TSEN2: variants seen among roughly 807,000 people sequenced by gnomAD.
TSEN2 encodes tRNA-splicing endonuclease subunit Sen2.
Under a neutral mutation model 59.2 loss-of-function variants are expected in TSEN2, and 54 were observed. That is an observed-to-expected ratio of 0.91 (90% confidence interval 0.73 to 1.14). The LOEUF (loss-of-function observed/expected upper bound fraction) is 1.14, where lower values mean the gene tolerates loss of function less well. Among genes scored for constraint, TSEN2 ranks in the 50% most tolerant of loss-of-function variants. The pLI, the probability that TSEN2 is intolerant of heterozygous loss-of-function variation, is 0.00. For missense variants in TSEN2, 636 were observed against 576.2 expected (o/e 1.10, Z -1.06); for synonymous variants, 195 against 198.2 (o/e 0.98, Z 0.14).
upstream of TSEN2, among the ~76,000 whole-genome samples, chr3:12,483,368 G>A (rs1415655266): frequency 6.6e-6 from 1 of 152,270 alleles, no homozygotes; most frequent in African/African-American, 2.4e-5. Flanking sequence ...CTGGGCGACA[G>A]AGCCAGGCTC....
chr3:12,482,662 T>A (rs1399633562), upstream of TSEN2, among the ~76,000 whole-genome samples: 1 of 152,150 alleles, frequency 6.6e-6, no homozygotes, highest in East Asian at 1.9e-4. Context: ...TTAAGAGACC[T>A]GGCTCTAGTC....
chr3:12,483,689 A>G (rs1281595370), upstream of TSEN2, among the ~76,000 whole-genome samples: 1 of 152,190 alleles, frequency 6.6e-6, no homozygotes, highest in Non-Finnish European at 1.5e-5. Flanking sequence ...CTTCCTTGCC[A>G]TCCTCCTTTG....
At chr3:12,519,800 A>T (rs1448042372) in intron 8 of TSEN2, among the ~76,000 whole-genome samples, 2 of 152,104 alleles carry the variant, frequency 1.3e-5, no homozygotes, top group African/African-American at 4.8e-5. Flanking sequence ...GTCTCTAGCC[A>T]TGAGATCGGG....
At chr3:12,508,668 C>T (rs894011826) in intron 6 of TSEN2, among the ~76,000 whole-genome samples, 2 of 152,164 alleles carry the variant, frequency 1.3e-5, no homozygotes, top group African/African-American at 4.8e-5. Context: ...GGGGTGTTTT[C>T]ATGCCTTTGC....
intron 11 of TSEN2, among the ~76,000 whole-genome samples, chr3:12,532,240 C>T (rs559551425): frequency 1.1e-4 from 17 of 152,196 alleles, no homozygotes; most frequent in Non-Finnish European, 1.9e-4. Context: ...GGCCCCAGCA[C>T]GTCTTCCCTT....
At chr3:12,490,074 C>G in intron 2 of TSEN2, 85 bp downstream of exon 2, 1 of 1,217,674 alleles carries the variant, frequency 8.2e-7, no homozygotes, top group Non-Finnish European at 1.2e-6. Context: ...AGCCATACCC[C>G]CACACCAACC....
At chr3:12,539,618 C>A, downstream of TSEN2, 1 of 160,734 alleles carries the variant, frequency 6.2e-6, no homozygotes, top group Non-Finnish European at 1.4e-5. Context: ...AATGTGCTAC[C>A]ACTTTATGCT....
intron 1 of TSEN2, 106 bp downstream of exon 1, chr3:12,484,986 C>G (rs1332760315): frequency 1.1e-4 from 17 of 152,214 alleles, no homozygotes; most frequent in Admixed American, 1.1e-3. Flanking sequence ...GTGGTAGGCC[C>G]CGAACGAAAC....
downstream of TSEN2, among the ~76,000 whole-genome samples, chr3:12,536,253 GGTTTT>G (rs1003014005): frequency 1.3e-5 from 2 of 152,250 alleles, no homozygotes; most frequent in South Asian, 2.1e-4. Context: ...GCCATTGTGG[GGTTTT>G]GTTTTGTTTT....
chr3:12,511,652 A>C (rs2055474676), intron 6 of TSEN2, among the ~76,000 whole-genome samples: 1 of 150,282 alleles, frequency 6.7e-6, no homozygotes, highest in African/African-American at 2.5e-5. Context: ...CTGCAGCCTC[A>C]GTCTCCTGAG....
intron 6 of TSEN2, chr3:12,506,595 A>AT: frequency 3.1e-6 from 2 of 652,268 alleles, no homozygotes; most frequent in Non-Finnish European, 3.8e-6. Flanking sequence ...AAAAAAAAAA[A>AT]GTGGCTAAAA....
intron 8 of TSEN2, among the ~76,000 whole-genome samples, chr3:12,520,889 A>G (rs2056585119): frequency 1.3e-5 from 2 of 152,148 alleles, no homozygotes; most frequent in South Asian, 4.1e-4. Flanking sequence ...TCACCCAGGT[A>G]CTAGGCCTAG....
At chr3:12,511,569 C>CT (rs35466636) in intron 6 of TSEN2, among the ~76,000 whole-genome samples, 66,070 of 141,050 alleles carry the variant, frequency 0.47, 17,094 homozygotes, top group African/African-American at 0.69. Flanking sequence ...GATAATTATG[C>CT]TTTTTTTTTT....
chr3:12,497,076 C>T (rs994949918), intron 4 of TSEN2, among the ~76,000 whole-genome samples: 2 of 152,226 alleles, frequency 1.3e-5, no homozygotes, highest in Non-Finnish European at 2.9e-5. Context: ...TCTTTCCTTA[C>T]CACCGTCCCC....
chr3:12,483,101 T>C (rs796723662), upstream of TSEN2, among the ~76,000 whole-genome samples: 49 of 152,280 alleles, frequency 3.2e-4, no homozygotes, highest in African/African-American at 1.1e-3. Context: ...CCAGGCAGGA[T>C]GCAGTGGCTC....
chr3:12,483,236 C>T (rs1373012917), upstream of TSEN2, among the ~76,000 whole-genome samples: 2 of 152,096 alleles, frequency 1.3e-5, no homozygotes, highest in Non-Finnish European at 2.9e-5. Context: ...ATCAGCCGGG[C>T]GTGGTGGCAG....
In TSEN2 at chr3:12,519,136, C is replaced by A. The variant is rs1258163762; in HGVS notation, c.1038C>A (p.Tyr346Ter). The A allele has an allele frequency of 3.1e-6, 5 of 1,614,110 alleles. No individual in the cohort carries two copies. Among genetic ancestry groups the A allele is most frequent in the Non-Finnish European group, 4.2e-6 (5 of 1,180,048 alleles). The change falls in exon 8 of 12, where the codon TAC becomes TAA. Residue 346 changes from tyrosine to a stop codon, truncating the protein, a stop_gained. Transcript: ENST00000284995. LOFTEE classifies it high-confidence loss of function. ...QPTFRTTYMA[Y>*]HYFRSKGWVP... ...CGTTCAGAACCACCTACATGGCCTA[C>A]CATTACTTTCGAAGCAAGGGCTGGG... is the stretch of plus-strand genomic sequence containing the variant.
chr3:12,492,509 C>A (rs571044928), intron 3 of TSEN2, among the ~76,000 whole-genome samples: 2 of 152,292 alleles, frequency 1.3e-5, no homozygotes, highest in East Asian at 3.9e-4. Context: ...ACCTGCTCAC[C>A]TGTGGCACTA....
Position 12,516,778 on chromosome 3 carries a change from G to C in TSEN2, c.960+117G>C, listed in dbSNP as rs1439862306. 3 of 1,111,950 alleles carry C rather than the reference G, an allele frequency of 2.7e-6. No homozygotes were observed. In the African/African-American group the frequency reaches 4.7e-5, roughly 17 times the overall value. 68.9% of individuals were successfully genotyped at this position (1,111,950 alleles called of 1,614,324 possible). A position where few individuals can be genotyped will look rare whatever the true frequency, so the allele number is the denominator to read the frequency against. ...TTTCTACTCTTACTGAATAAAATAG[G>C]AATTGAATTTTTCTCTAAAGTTTTG... On this transcript the variant is annotated intron_variant, in intron 7 of 11. Transcript: ENST00000284995.
Sources: gnomAD v4.1 joint callset for allele counts (sites outside exome capture counted in the v4.1 genomes callset) on GRCh38, gnomAD v4.1.1 for gene constraint, MANE v1.5 for transcripts, NCBI Gene and HGNC (gene_info 2026-07-23, HGNC 2026-07-21) for gene names.